Variants in NCKAP5 observed in about 807,000 individuals in gnomAD.
NCKAP5 encodes the protein NCK associated protein 5, also known as nck-associated protein 5.
In NCKAP5, 92 loss-of-function variants were observed where a neutral mutation model predicts 167.0. The ratio of observed to expected loss-of-function variants is 0.55; its 90% confidence interval spans 0.47 to 0.66. NCKAP5 has a LOEUF of 0.66. NCKAP5 is among the 30% of genes least tolerant of loss of function. The pLI is 0.00. For synonymous variants in NCKAP5, 891 were observed against 877.4 expected (o/e 1.02, Z -0.27); for missense variants, 2,378 against 2,315.0 (o/e 1.03, Z -0.56).
At chr2:132,874,377 G>A (rs1169964951) in intron 9 of NCKAP5, among the ~76,000 whole-genome samples, 1 of 152,042 alleles carries the variant, frequency 6.6e-6, no homozygotes, top group East Asian at 1.9e-4. Context: ...CAAAGTGTTG[G>A]GATTACAGGT....
rs148434027 is a variant in NCKAP5 at position 133,340,525 on chromosome 2, T to C, written c.70-37415A>G. Among the ~76,000 whole-genome samples, 573 of 152,306 alleles carry C rather than the reference T, an allele frequency of 3.8e-3. 20 individuals are homozygous for C. Among genetic ancestry groups the C allele is most frequent in the Admixed American group, 0.029 (441 of 15,294 alleles). On this transcript the variant is annotated intron_variant, in intron 3 of 19. Coordinates refer to ENST00000409261, the MANE Select transcript of NCKAP5 (RefSeq NM_207363.3). ...CCTCTGTAATTGCCATAATATTCTATTATTTTGACTTACAACAGTGGCTCT... is the reference window on the plus strand; with the variant it reads ...CCTCTGTAATTGCCATAATATTCTACTATTTTGACTTACAACAGTGGCTCT...
In NCKAP5 at chr2:133,225,239, GA is replaced by G. The variant is rs11439770; in HGVS notation, c.144-11461del. On this transcript the variant is annotated intron_variant, in intron 4 of 19. Transcript: ENST00000409261. Reference sequence around the variant, plus strand: ...TAATATGGAAAGGGAATTCTTGAGGGAAAAAAAACATGCTAATCAAGCATGC... The same window carrying G: ...TAATATGGAAAGGGAATTCTTGAGGGAAAAAAACATGCTAATCAAGCATGC... Among the ~76,000 whole-genome samples, 655 of 151,546 alleles carry G rather than the reference GA, an allele frequency of 4.3e-3. 2 individuals are homozygous for G. Among genetic ancestry groups the G allele is most frequent in the Non-Finnish European group, 6.5e-3 (440 of 67,810 alleles).
chr2:133,302,748 A>T (rs1011005181), intron 4 of NCKAP5, among the ~76,000 whole-genome samples: 5 of 149,428 alleles, frequency 3.3e-5, no homozygotes, highest in African/African-American at 1.2e-4. Flanking sequence ...AACCTGCACA[A>T]TGTGCACATG....
At chr2:132,746,058 T>TA (rs1273929765) in intron 16 of NCKAP5, among the ~76,000 whole-genome samples, 15 of 152,000 alleles carry the variant, frequency 9.9e-5, no homozygotes, top group East Asian at 1.9e-4. Flanking sequence ...GGTTTTTTTT[T>TA]AAAAAAAGAC....
At chr2:133,080,253 G>T (rs1272255066) in intron 6 of NCKAP5, among the ~76,000 whole-genome samples, 3 of 152,106 alleles carry the variant, frequency 2.0e-5, no homozygotes, top group African/African-American at 4.8e-5. Context: ...ATCAAATTCT[G>T]AGTAAGCATC....
At chr2:133,060,352 T>A (rs2079955395) in intron 6 of NCKAP5, among the ~76,000 whole-genome samples, 1 of 151,734 alleles carries the variant, frequency 6.6e-6, no homozygotes, top group African/African-American at 2.4e-5. Flanking sequence ...ACTAAAAGAG[T>A]CCTAGAGAAT....
In NCKAP5 at chr2:132,857,981, C is replaced by A. The variant is rs181310683; in HGVS notation, c.807+2511G>T. On this transcript the variant is annotated intron_variant, in intron 11 of 19. Transcript: ENST00000409261. The stretch of plus-strand genomic sequence containing the variant: ...TGGCTGTTTCTTATAAGTTATTTTC[C>A]TTTATACTATTTATAATTTGTCTAC... Among the ~76,000 whole-genome samples the A allele has an allele frequency of 3.3e-5, 5 of 152,208 alleles. No homozygotes were observed. The East Asian group carries it at 7.7e-4, about 24-fold the overall frequency.
chr2:133,011,106 T>C (rs2078144582), intron 6 of NCKAP5, among the ~76,000 whole-genome samples: 2 of 152,204 alleles, frequency 1.3e-5, no homozygotes, highest in Non-Finnish European at 1.5e-5. Flanking sequence ...TTGATTAAGC[T>C]GCTACAGAAT....
At chr2:133,532,050 A>G (rs943623687) in intron 2 of NCKAP5, among the ~76,000 whole-genome samples, 2 of 152,212 alleles carry the variant, frequency 1.3e-5, no homozygotes, top group African/African-American at 2.4e-5. Flanking sequence ...AGAACGATAT[A>G]CAGCACTGTT....
intron 19 of NCKAP5, among the ~76,000 whole-genome samples, chr2:132,676,594 A>G (rs1475168573): frequency 6.6e-6 from 1 of 152,134 alleles, no homozygotes; most frequent in Non-Finnish European, 1.5e-5. Context: ...TAACATTTAG[A>G]TTTAACATAT....
At chr2:132,888,488 A>G (rs1463731139) in intron 8 of NCKAP5, among the ~76,000 whole-genome samples, 1 of 152,040 alleles carries the variant, frequency 6.6e-6, no homozygotes, top group East Asian at 1.9e-4. Flanking sequence ...TACTGGGTTC[A>G]AGCAATTTCT....
intron 4 of NCKAP5, among the ~76,000 whole-genome samples, chr2:133,261,491 G>C (rs2088905173): frequency 6.6e-6 from 1 of 152,116 alleles, no homozygotes; most frequent in South Asian, 2.1e-4. Context: ...ACACAGACCA[G>C]GTCTTAATAA....
At chr2:133,523,143 G>C (rs1481199213) in intron 2 of NCKAP5, among the ~76,000 whole-genome samples, 1 of 150,906 alleles carries the variant, frequency 6.6e-6, no homozygotes, top group African/African-American at 2.4e-5. Context: ...GTTAGTAATG[G>C]CCTTTTCATG....
chr2:132,913,388 T>A (rs1274993276), intron 8 of NCKAP5, among the ~76,000 whole-genome samples: 1 of 151,502 alleles, frequency 6.6e-6, no homozygotes, highest in African/African-American at 2.4e-5. Flanking sequence ...AGCTGTGTGA[T>A]CTCGGGTGTG....
chr2:132,881,554 C>CTTTTTTTTTTTTTTTTTT (rs35545031), intron 8 of NCKAP5, among the ~76,000 whole-genome samples: 1 of 126,390 alleles, frequency 7.9e-6, no homozygotes, highest in Non-Finnish European at 1.6e-5. Context: ...CCTTACCTTT[C>CTTTTTTTTTTTTTTTTTT]TTTTTTTTTT....
chr2:132,702,812 G>A (rs373686828), intron 19 of NCKAP5, among the ~76,000 whole-genome samples: 6 of 152,074 alleles, frequency 3.9e-5, no homozygotes, highest in Non-Finnish European at 7.4e-5. Context: ...CAGGAACCTC[G>A]GGGTAGGAAT....
the NCKAP5 span, among the ~76,000 whole-genome samples, chr2:133,578,306 TC>T: frequency 6.6e-6 from 1 of 152,174 alleles, no homozygotes; most frequent in Non-Finnish European, 1.5e-5. Flanking sequence ...CCCCCATCTA[TC>T]CCTGTAAAAG....
chr2:133,143,457 GA>G (rs1394216623), intron 5 of NCKAP5, among the ~76,000 whole-genome samples: 12 of 152,122 alleles, frequency 7.9e-5, no homozygotes, highest in African/African-American at 2.7e-4. Flanking sequence ...CTATAACACA[GA>G]AATCTGTGGC....
At chr2:133,225,062 T>G (rs2086821493) in intron 4 of NCKAP5, among the ~76,000 whole-genome samples, 1 of 152,204 alleles carries the variant, frequency 6.6e-6, no homozygotes, top group African/African-American at 2.4e-5. Context: ...ATATTTCTTC[T>G]TTAAATTTTA....
Sources: gnomAD v4.1 joint callset for allele counts (sites outside exome capture counted in the v4.1 genomes callset) on GRCh38, gnomAD v4.1.1 for gene constraint, MANE v1.5 for transcripts, NCBI Gene and HGNC (gene_info 2026-07-23, HGNC 2026-07-21) for gene names.